Variants in CTNNA2 observed in about 807,000 individuals in gnomAD.
CTNNA2 encodes the protein catenin alpha 2, also known as catenin alpha-2.
A neutral mutation model predicts 101.0 loss-of-function variants in CTNNA2; 42 were observed. The observed-to-expected ratio is 0.42, with a 90% CI of 0.32 to 0.54. The LOEUF (loss-of-function observed/expected upper bound fraction) is 0.54, where lower values mean the gene tolerates loss of function less well. Among genes scored for constraint, CTNNA2 ranks in the 20% least tolerant of loss-of-function variants. The pLI is 0.14. For missense variants in CTNNA2, 871 were observed against 1,223.1 expected (o/e 0.71, Z 4.29); for synonymous variants, 450 against 456.4 (o/e 0.99, Z 0.18).
chr2:79,656,564 C>A (rs1265676463), intron 2 of CTNNA2, among the ~76,000 whole-genome samples: 1 of 151,836 alleles, frequency 6.6e-6, no homozygotes, highest in Non-Finnish European at 1.5e-5. Context: ...TTAAAATATC[C>A]CACAAAACCT....
intron 7 of CTNNA2, among the ~76,000 whole-genome samples, chr2:80,356,615 A>G (rs893813024): frequency 2.0e-5 from 3 of 152,284 alleles, no homozygotes; most frequent in South Asian, 2.1e-4. Flanking sequence ...AGAAGGAAGA[A>G]CTGTCATGGG....
At chr2:80,276,538 T>C (rs1673916449) in intron 7 of CTNNA2, among the ~76,000 whole-genome samples, 1 of 152,142 alleles carries the variant, frequency 6.6e-6, no homozygotes, top group Non-Finnish European at 1.5e-5. Flanking sequence ...ATAAGAAGCA[T>C]GGTGCCAGCA....
rs761871462 is a variant in CTNNA2, at chr2:79,909,635, G to A, written c.894G>A (p.Arg298=). ...ILDPMTFSEA[R]FRPSLEERLE... ...ACCCCATGACGTTCAGCGAGGCCAG[G>A]TTCCGGCCGTCCCTGGAGGAGAGGC... Residue 298 remains arginine, a synonymous_variant, in exon 7 of 19, where the codon AGG becomes AGA. Transcript: ENST00000402739. 8 of 1,613,212 alleles carry A rather than the reference G, an allele frequency of 5.0e-6. No individual in the cohort carries two copies. The South Asian group carries it at 5.5e-5, about 11-fold the overall frequency.
intron 7 of CTNNA2, among the ~76,000 whole-genome samples, chr2:80,183,423 A>C (rs1046445395): frequency 1.3e-5 from 2 of 152,218 alleles, no homozygotes; most frequent in Non-Finnish European, 2.9e-5. Flanking sequence ...GCAGATGGAA[A>C]GCAAGCAAAC....
At chr2:80,596,484 G>T (rs1263530388) in intron 15 of CTNNA2, among the ~76,000 whole-genome samples, 7 of 150,194 alleles carry the variant, frequency 4.7e-5, no homozygotes, top group Admixed American at 6.6e-5. Context: ...TAATTTTTTT[G>T]TGTGTTTTTA....
At chr2:79,993,977 C>T (rs1692360902) in intron 7 of CTNNA2, among the ~76,000 whole-genome samples, 2 of 152,162 alleles carry the variant, frequency 1.3e-5, no homozygotes, top group Admixed American at 6.5e-5. Flanking sequence ...TATCACAGCT[C>T]ACTGCAGCCT....
intron 7 of CTNNA2, among the ~76,000 whole-genome samples, chr2:80,125,839 A>T (rs1702078005): frequency 6.6e-6 from 1 of 152,200 alleles, no homozygotes; most frequent in African/African-American, 2.4e-5. Flanking sequence ...GTAAGGCAAA[A>T]TGATATCCAC....
chr2:80,519,105 C>A (rs1267692015), intron 9 of CTNNA2, among the ~76,000 whole-genome samples: 2 of 151,540 alleles, frequency 1.3e-5, no homozygotes, highest in Admixed American at 1.3e-4. Context: ...AGAATAAACA[C>A]CTCTCTTTCT....
chr2:79,724,814 C>CAA (rs60016527), intron 2 of CTNNA2, among the ~76,000 whole-genome samples: 3,594 of 73,932 alleles, frequency 0.049, 123 homozygotes, highest in African/African-American at 0.11. Context: ...GACTCCACCT[C>CAA]AAAAAAAAAA....
intron 9 of CTNNA2, among the ~76,000 whole-genome samples, chr2:80,517,760 T>C (rs1196556725): frequency 6.6e-6 from 1 of 152,174 alleles, no homozygotes; most frequent in Non-Finnish European, 1.5e-5. Context: ...TTTAATAACA[T>C]TGGAGGCTTT....
chr2:79,909,644 G>A lies in CTNNA2; in HGVS notation c.903G>A (p.Pro301=), dbSNP rs925979374. The change falls in exon 7 of 19, where the codon CCG becomes CCA. Residue 301 remains proline, a synonymous_variant. Coordinates refer to ENST00000402739, the MANE Select transcript of CTNNA2 (RefSeq NM_001282597.3). Reference sequence around the variant, plus strand: ...CGTTCAGCGAGGCCAGGTTCCGGCCGTCCCTGGAGGAGAGGCTGGAGAGCA... The same window carrying A: ...CGTTCAGCGAGGCCAGGTTCCGGCCATCCCTGGAGGAGAGGCTGGAGAGCA... ...PMTFSEARFR[P]SLEERLESII... 11 of 1,613,240 alleles carry A rather than the reference G, an allele frequency of 6.8e-6. No individual in the cohort carries two copies. The highest frequency in any genetic ancestry group is 8.5e-6 in the Non-Finnish European group (10 of 1,179,326).
chr2:79,595,609 C>T lies in CTNNA2; in HGVS notation c.-5-55943C>T, dbSNP rs114315974. Among the ~76,000 whole-genome samples, 1,056 of 152,200 alleles carry T rather than the reference C, an allele frequency of 6.9e-3. 8 individuals are homozygous for T. The highest frequency in any genetic ancestry group is 0.024 in the African/African-American group (997 of 41,524). On this transcript the variant is annotated intron_variant, in intron 1 of 18. Transcript: ENST00000402739. ...CTCTCCATTCTATTCAGCATACAAG[C>T]CCCTGTTGATATCACTATGCTTAAA... is the stretch of plus-strand genomic sequence containing the variant.
chr2:79,563,161 G>GTGTATATATATATATATA (rs1280707294), intron 1 of CTNNA2, among the ~76,000 whole-genome samples: 14 of 78,610 alleles, frequency 1.8e-4, no homozygotes, highest in African/African-American at 6.6e-4. Flanking sequence ...ATAAAGATGT[G>GTGTATATATATATATATA]TATATATATA....
In CTNNA2 at chr2:79,555,461, A is replaced by G. The variant is rs944547333; in HGVS notation, c.-6+42254A>G. Reference sequence around the variant, plus strand: ...AATAGTTAATATGAGTTTACATACTACGAATTTAGAAGAGGCAGTCATGGA... The same window carrying G: ...AATAGTTAATATGAGTTTACATACTGCGAATTTAGAAGAGGCAGTCATGGA... On this transcript the variant is annotated intron_variant, in intron 1 of 18. Transcript: ENST00000402739. Among the ~76,000 whole-genome samples the G allele has an allele frequency of 2.6e-5, 4 of 152,156 alleles. No homozygotes were observed. In the East Asian group the frequency reaches 7.7e-4, roughly 29 times the overall value.
intron 7 of CTNNA2, among the ~76,000 whole-genome samples, chr2:80,085,816 G>A (rs1699407084): frequency 1.3e-5 from 2 of 151,846 alleles, no homozygotes; most frequent in Admixed American, 1.3e-4. Flanking sequence ...TTAATGACTT[G>A]TATTAAGTAG....
At chr2:80,078,579 G>T (rs2148796727) in intron 7 of CTNNA2, among the ~76,000 whole-genome samples, 1 of 152,304 alleles carries the variant, frequency 6.6e-6, no homozygotes, top group Non-Finnish European at 1.5e-5. Context: ...ATGTCGCTAT[G>T]ATCAGAGGCT....
chr2:79,866,066 T>G (rs1308348810), intron 4 of CTNNA2, among the ~76,000 whole-genome samples: 2 of 152,206 alleles, frequency 1.3e-5, no homozygotes, highest in African/African-American at 2.4e-5. Context: ...CCAGGAAAAT[T>G]AGACACTGAT....
intron 8 of CTNNA2, among the ~76,000 whole-genome samples, chr2:80,406,999 AT>A (rs1679131129): frequency 6.6e-6 from 1 of 152,038 alleles, no homozygotes; most frequent in Non-Finnish European, 1.5e-5. Flanking sequence ...CAGGAAATTC[AT>A]GATTTGGGGT....
At chr2:79,886,287 T>G (rs780211565) in intron 6 of CTNNA2, among the ~76,000 whole-genome samples, 1 of 152,170 alleles carries the variant, frequency 6.6e-6, no homozygotes, top group Non-Finnish European at 1.5e-5. Context: ...CATCATTGCA[T>G]GCAGTTGTAT....
Sources: allele counts gnomAD v4.1 joint callset (sites outside exome capture counted in the v4.1 genomes callset), GRCh38; gene constraint gnomAD v4.1.1; transcripts MANE v1.5; gene names NCBI Gene and HGNC (gene_info 2026-07-23, HGNC 2026-07-21).